COL4A4: variants seen among roughly 807,000 people sequenced by gnomAD.
COL4A4 encodes the protein collagen alpha-4(IV) chain.
COL4A4 carries 105 observed loss-of-function variants against 192.9 expected under a neutral mutation model. The observed-to-expected ratio is 0.54, with a 90% CI of 0.46 to 0.64. COL4A4 has a LOEUF of 0.64. Among genes scored for constraint, COL4A4 ranks in the 30% least tolerant of loss-of-function variants. COL4A4 has a pLI of 0.00. For missense variants in COL4A4, 1,967 were observed against 2,169.3 expected, an observed-to-expected ratio of 0.91 and a Z score of 1.85; for synonymous variants, 762 against 769.9, an observed-to-expected ratio of 0.99 and a Z score of 0.17.
At chr2:227,044,640 A>C (rs1422908894) in intron 35 of COL4A4, among the ~76,000 whole-genome samples, 2 of 152,022 alleles carry the variant, frequency 1.3e-5, no homozygotes, top group African/African-American at 2.4e-5. Context: ...TTGTCTCCTG[A>C]ATTTTGTGGG....
intron 37 of COL4A4, among the ~76,000 whole-genome samples, chr2:227,041,848 G>GAAAGAAAAAGAGAGAGAGAGAGAA (rs1243663359): frequency 2.6e-5 from 1 of 38,690 alleles, no homozygotes. Flanking sequence ...AAGAAAGAAA[G>GAAAGAAAAAGAGAGAGAGAGAGAA]AGAAAGAAAG....
intron 1 of COL4A4, among the ~76,000 whole-genome samples, chr2:227,159,734 G>A (rs1223224231): frequency 6.6e-6 from 1 of 152,160 alleles, no homozygotes; most frequent in South Asian, 2.1e-4. Flanking sequence ...GCTGCCCTGT[G>A]AAGAGGTGCC....
chr2:227,098,618 G>A, intron 19 of COL4A4, 76 bp downstream of exon 19: 1 of 1,127,262 alleles, frequency 8.9e-7, no homozygotes, highest in Non-Finnish European at 1.4e-6. Flanking sequence ...ATCAGCTACA[G>A]TTGAAAGCTA....
intron 14 of COL4A4, 36 bp from the exon 15 acceptor site, chr2:227,102,884 A>G: frequency 1.3e-6 from 2 of 1,523,134 alleles, no homozygotes; most frequent in Non-Finnish European, 1.8e-6. Context: ...GGGTTCAAGC[A>G]ACAATATTTC....
At chr2:227,073,759 G>C (rs72969758) in intron 25 of COL4A4, among the ~76,000 whole-genome samples, 1 of 152,006 alleles carries the variant, frequency 6.6e-6, no homozygotes, top group East Asian at 1.9e-4. Context: ...ACAGCTAACT[G>C]ATCTTTAACA....
In COL4A4 at chr2:227,054,628, G is replaced by C. The variant is rs1169574932; in HGVS notation, c.2826C>G (p.Gly942=). The C allele has an allele frequency of 1.2e-6, 2 of 1,614,026 alleles. No homozygotes were observed. The highest frequency in any genetic ancestry group is 1.7e-6 in the Non-Finnish European group (2 of 1,180,028). The change falls in exon 31 of 48, where the codon GGC becomes GGG. Residue 942 remains glycine, a synonymous_variant. Transcript: ENST00000396625. ...KGEPGEKGMS[G]LPGDRGLRGA... ...CTCTCAGTCCCCGGTCTCCAGGAAG[G>C]CCAGACATGCCCTTCTCTCCAGGTT...
At chr2:227,037,374 T>C (rs1969893404) in intron 37 of COL4A4, among the ~76,000 whole-genome samples, 1 of 152,174 alleles carries the variant, frequency 6.6e-6, no homozygotes, top group South Asian at 2.1e-4. Flanking sequence ...CTGAGAATGA[T>C]GGTTTTCAGC....
chr2:227,020,189 G>A (rs556385305), intron 44 of COL4A4, among the ~76,000 whole-genome samples: 4 of 152,262 alleles, frequency 2.6e-5, no homozygotes, highest in Admixed American at 6.5e-5. Flanking sequence ...TATAGGTCAC[G>A]TCTTCAAGTT....
chr2:227,072,160 T>G (rs1158078790), intron 25 of COL4A4, among the ~76,000 whole-genome samples: 1 of 151,806 alleles, frequency 6.6e-6, no homozygotes, highest in Non-Finnish European at 1.5e-5. Context: ...ATTAGCTAGA[T>G]TAAACAAGAA....
Position 227,022,100 on chromosome 2 carries a change from TCTCATGCCTG to T in COL4A4, c.4154_4163del (p.Pro1385GlnfsTer12). On this transcript the variant is annotated frameshift_variant, in exon 44 of 48. Transcript: ENST00000396625. LOFTEE classifies it high-confidence loss of function. ...GGAGCCCCATGGCTCCTTCTGGTCC[TCTCATGCCTG>T]GCGCCCCAGGAAGGCCTGGGATTCG... 1.2e-6 allele frequency: 2 copies of T among 1,614,116 alleles called. No individual in the cohort carries two copies. Among genetic ancestry groups the T allele is most frequent in the Admixed American group, 1.7e-5 (1 of 60,020 alleles).
chr2:227,140,436 C>CA lies in COL4A4; in HGVS notation c.115-199dup, dbSNP rs556759813. ...GTTGATTATATGAGCAAGAAGCTTC[C>CA]AAACTGAGGATGCTGAAGGAAAATA... On this transcript the variant is annotated intron_variant, in intron 3 of 47. Transcript: ENST00000396625. Among the ~76,000 whole-genome samples the CA allele has an allele frequency of 1.3e-3, 200 of 152,284 alleles. 1 individual carries two copies. The highest frequency in any genetic ancestry group is 4.6e-3 in the African/African-American group (192 of 41,560).
At chr2:227,031,736 G>C (rs1231463270) in intron 40 of COL4A4, among the ~76,000 whole-genome samples, 5 of 152,140 alleles carry the variant, frequency 3.3e-5, no homozygotes, top group Non-Finnish European at 7.4e-5. Flanking sequence ...AAATTGAAGA[G>C]AGGGCCAAGT....
chr2:227,043,635 C>G (rs1409178000), intron 35 of COL4A4, among the ~76,000 whole-genome samples: 1 of 152,070 alleles, frequency 6.6e-6, no homozygotes, highest in Admixed American at 6.6e-5. Flanking sequence ...TTTGTTTCTC[C>G]TATTAAATTG....
In COL4A4 at chr2:227,041,793, AAAGAAAGAAAGG is replaced by A. The variant is rs1427943935; in HGVS notation, c.3505+343_3505+354del. On this transcript the variant is annotated intron_variant, in intron 37 of 47. Coordinates refer to ENST00000396625, the MANE Select transcript of COL4A4 (RefSeq NM_000092.5). The stretch of plus-strand genomic sequence containing the variant: ...AAGGAAGGAAGGAAGGAAGGGAAAG[AAAGAAAGAAAGG>A]AAGAAAGAAAGAAAGAAAGAAAGAA... 4.1e-4 allele frequency among the ~76,000 whole-genome samples: 23 copies of A among 56,248 alleles called. 1 individual carries two copies. Among genetic ancestry groups the A allele is most frequent in the African/African-American group, 1.1e-3 (13 of 11,732 alleles). The allele number at this position is 56,248 out of a possible 152,430, so 36.9% of individuals were successfully genotyped here.
At chr2:227,102,692 T>C in intron 15 of COL4A4, 97 bp downstream of exon 15, 1 of 1,020,226 alleles carries the variant, frequency 9.8e-7, no homozygotes, top group Non-Finnish European at 1.6e-6. Context: ...GAGCTATTCT[T>C]CACTTTTGAG....
intron 41 of COL4A4, among the ~76,000 whole-genome samples, chr2:227,028,848 G>T (rs572135534): frequency 6.6e-6 from 1 of 151,802 alleles, no homozygotes; most frequent in African/African-American, 2.4e-5. Flanking sequence ...GTAGAGATGG[G>T]GGTCTCACTG....
At position 227,053,123 on chromosome 2, in the gene COL4A4, A is replaced by C. The variant is rs78104050; in HGVS notation, c.2861-711T>G. On this transcript the variant is annotated intron_variant, in intron 31 of 47. Transcript: ENST00000396625. ...TTTCAAAGAACTAGTTTACTAGCCC[A>C]TCACTGGCGTTAGTCCAAATTTTAA... Among the ~76,000 whole-genome samples the C allele has an allele frequency of 5.6e-3, 858 of 152,152 alleles. 5 individuals are homozygous for C. Among genetic ancestry groups the C allele is most frequent in the African/African-American group, 0.02 (823 of 41,472 alleles).
At chr2:227,092,970 G>A (rs981068550) in intron 20 of COL4A4, among the ~76,000 whole-genome samples, 1 of 152,196 alleles carries the variant, frequency 6.6e-6, no homozygotes, top group Non-Finnish European at 1.5e-5. Context: ...CCAGCCACAT[G>A]TGTTGAAATG....
At chr2:227,103,462 G>A (rs1287268334) in intron 13 of COL4A4, among the ~76,000 whole-genome samples, 1 of 152,202 alleles carries the variant, frequency 6.6e-6, no homozygotes, top group East Asian at 1.9e-4. Context: ...CATTGAAAAA[G>A]TGGCTTATTT....
Sources: gnomAD v4.1 joint callset for allele counts (sites outside exome capture counted in the v4.1 genomes callset) on GRCh38, gnomAD v4.1.1 for gene constraint, MANE v1.5 for transcripts, NCBI Gene and HGNC (gene_info 2026-07-23, HGNC 2026-07-21) for gene names.